Variants in SLC38A8 observed in about 807,000 individuals in gnomAD.
SLC38A8 encodes amino acid transporter SLC38A8.
Under a neutral mutation model 46.0 loss-of-function variants are expected in SLC38A8, and 65 were observed. The observed-to-expected ratio is 1.41, with a 90% confidence interval of 1.16 to 1.74. SLC38A8 has a LOEUF of 1.74. Among genes scored for constraint, SLC38A8 ranks in the 40% most tolerant of loss-of-function variants. SLC38A8 has a pLI of 0.00. For synonymous variants in SLC38A8, 447 were observed against 243.7 expected (o/e 1.83, Z -7.77); for missense variants, 998 against 567.9 (o/e 1.76, Z -7.70).
intron 3 of SLC38A8, among the ~76,000 whole-genome samples, chr16:84,035,652 T>A (rs1214673690): frequency 1.3e-5 from 2 of 152,202 alleles, no homozygotes; most frequent in African/African-American, 4.8e-5. Context: ...AGTCAAAGAA[T>A]GAGAAGAGAA....
At chr16:84,032,266 G>A (rs1597272230) in intron 4 of SLC38A8, among the ~76,000 whole-genome samples, 1 of 152,188 alleles carries the variant, frequency 6.6e-6, no homozygotes. Context: ...TTGGCTCACT[G>A]CAAACTCTGC....
rs1328220501 is a variant in SLC38A8, at chr16:84,042,129, C to T, written c.29G>A (p.Gly10Asp). The T allele has an allele frequency of 3.1e-6, 5 of 1,613,216 alleles. No homozygotes were observed. The highest frequency in any genetic ancestry group is 2.2e-5 in the East Asian group (1 of 44,874). ...GGCAGGGTGAGGCTTTTCTGGAAGG[C>T]CCCTGCTTCCTGGGGTCTGTCCCTC... Reference protein sequence around the residue: MEGQTPGSRGLPEKPHPATA... With the variant: MEGQTPGSRDLPEKPHPATA... The change falls in exon 2 of 11, where the codon GGC becomes GAC. Residue 10 changes from glycine (G) to aspartate (D), a missense_variant. Physicochemically the swap from Gly to Asp is moderately conservative, Grantham distance 94. Transcript: ENST00000299709.
At chr16:84,024,753 G>C (rs544794100) in intron 6 of SLC38A8, among the ~76,000 whole-genome samples, 1 of 152,190 alleles carries the variant, frequency 6.6e-6, no homozygotes, top group African/African-American at 2.4e-5. Context: ...GAAGTGGCGC[G>C]AACTTGGCTC....
At chr16:84,032,842 G>C (rs983703230) in intron 4 of SLC38A8, among the ~76,000 whole-genome samples, 2 of 152,190 alleles carry the variant, frequency 1.3e-5, no homozygotes, top group Non-Finnish European at 2.9e-5. Context: ...ACCTCTGTGT[G>C]TGTGCACACA....
At chr16:84,016,392 TG>T in intron 9 of SLC38A8, 126 bp downstream of exon 9, 1 of 1,051,284 alleles carries the variant, frequency 9.5e-7, no homozygotes, top group Non-Finnish European at 1.4e-6. Flanking sequence ...GGCACCTACA[TG>T]GGGTCTTAAT....
intron 5 of SLC38A8, 146 bp downstream of exon 5, chr16:84,031,721 A>C: frequency 1.5e-6 from 1 of 688,874 alleles, no homozygotes; most frequent in East Asian, 2.7e-5. Context: ...CCTTGCCTTC[A>C]CCGCATCAGA....
chr16:84,028,799 C>T (rs529769330), intron 6 of SLC38A8, among the ~76,000 whole-genome samples: 4 of 151,780 alleles, frequency 2.6e-5, no homozygotes, highest in African/African-American at 9.7e-5. Flanking sequence ...CTATGCTATC[C>T]CACCTGTGCT....
At chr16:84,025,554 T>G (rs1483051784) in intron 6 of SLC38A8, among the ~76,000 whole-genome samples, 1 of 152,168 alleles carries the variant, frequency 6.6e-6, no homozygotes, top group Non-Finnish European at 1.5e-5. Context: ...GCTCTGAGCT[T>G]GGGCCAGGAT....
chr16:84,029,680 T>C (rs1019206801), intron 5 of SLC38A8, 129 bp from the exon 6 acceptor site: 1 of 925,688 alleles, frequency 1.1e-6, no homozygotes, highest in African/African-American at 1.7e-5. Flanking sequence ...GTATTTTTAA[T>C]GACTGTGTCC....
rs775199543 is a variant in SLC38A8, at chr16:84,013,037, C to A, written c.1178G>T (p.Cys393Phe). 1 of 1,614,070 alleles carries A rather than the reference C, an allele frequency of 6.2e-7. No individual in the cohort carries two copies. ...IFIFPGLCLI[C>F]AMGVEPIGPR... ...TCCTATAGGCTCGACACCCATTGCA[C>A]AGATGAGGCACAAACCTGCAAAAAA... Residue 393 changes from cysteine (C) to phenylalanine (F), a missense_variant, in exon 10 of 11, where the codon TGT becomes TTT. Cys to Phe is a radical substitution (Grantham distance 205). Coordinates refer to ENST00000299709, the MANE Select transcript of SLC38A8 (RefSeq NM_001080442.3).
chr16:84,040,785 A>G (rs2085358640), intron 2 of SLC38A8, among the ~76,000 whole-genome samples: 2 of 152,142 alleles, frequency 1.3e-5, no homozygotes, highest in Admixed American at 6.5e-5. Context: ...CCAGAGACAC[A>G]TGACCCTCCC....
At chr16:84,036,446 G>A (rs1043328346) in intron 3 of SLC38A8, among the ~76,000 whole-genome samples, 123 of 152,340 alleles carry the variant, frequency 8.1e-4, no homozygotes, top group African/African-American at 2.6e-3. Context: ...TCTGTGAAAC[G>A]ACTTATCTCC....
In SLC38A8 at chr16:84,033,380, C is replaced by T. The variant is rs1409513093; in HGVS notation, c.478G>A (p.Val160Ile). The T allele has an allele frequency of 6.2e-7, 1 of 1,614,002 alleles. No homozygotes were observed. ...RFTLPLLSVLVILPLSAPREI... is the reference protein window; with the variant it reads ...RFTLPLLSVLIILPLSAPREI... ...CGCGGGGCAGACAGGGGCAGGATGACCAGCACGGAGAGCAGGGGCAGGGTG... is the reference window on the plus strand; with the variant it reads ...CGCGGGGCAGACAGGGGCAGGATGATCAGCACGGAGAGCAGGGGCAGGGTG... The change falls in exon 4 of 11, where the codon GTC becomes ATC. Residue 160 changes from valine (V) to isoleucine (I), a missense_variant. Coordinates refer to ENST00000299709, the MANE Select transcript of SLC38A8 (RefSeq NM_001080442.3).
Position 84,029,520 on chromosome 16 carries a change from A to G in SLC38A8, c.664T>C (p.Phe222Leu). Residue 222 changes from phenylalanine (F) to leucine (L), a missense_variant, in exon 6 of 11, where the codon TTC becomes CTC. By Grantham distance (22) the Phe-to-Leu change is conservative (BLOSUM62 0). Transcript: ENST00000299709. ...TGAAACCCGAAGCAGATGGTGGGGAAGACACTGAACACAGAGGTCCAGGAG... is the reference window on the plus strand; with the variant it reads ...TGAAACCCGAAGCAGATGGTGGGGAGGACACTGAACACAGAGGTCCAGGAG... ...PASWTSVFSV[F>L]PTICFGFQCH... 1 of 1,614,170 alleles carries G rather than the reference A, an allele frequency of 6.2e-7. No homozygotes were observed. The highest frequency in any genetic ancestry group is 8.5e-7 in the Non-Finnish European group (1 of 1,180,006).
intron 7 of SLC38A8, among the ~76,000 whole-genome samples, chr16:84,017,569 A>C (rs2085045492): frequency 6.6e-6 from 1 of 152,198 alleles, no homozygotes; most frequent in South Asian, 2.1e-4. Flanking sequence ...TGTTGACTAG[A>C]AGCACAGAGC....
At chr16:84,043,157 A>T (rs1045457226), upstream of SLC38A8, among the ~76,000 whole-genome samples, 2 of 152,122 alleles carry the variant, frequency 1.3e-5, no homozygotes, top group Non-Finnish European at 2.9e-5. Flanking sequence ...AGCTAATCCC[A>T]TGCACACGAG....
At chr16:84,020,663 A>G (rs2085084929) in intron 7 of SLC38A8, among the ~76,000 whole-genome samples, 1 of 152,192 alleles carries the variant, frequency 6.6e-6, no homozygotes, top group Admixed American at 6.5e-5. Flanking sequence ...ACGTGAGGGC[A>G]CGTAGGATAG....
At chr16:84,015,311 G>A (rs1274055920) in intron 9 of SLC38A8, among the ~76,000 whole-genome samples, 1 of 152,036 alleles carries the variant, frequency 6.6e-6, no homozygotes, top group Non-Finnish European at 1.5e-5. Flanking sequence ...CCCCCACCTT[G>A]CTGGCTTCCC....
upstream of SLC38A8, among the ~76,000 whole-genome samples, chr16:84,042,834 G>C (rs1384715662): frequency 6.6e-6 from 1 of 152,034 alleles, no homozygotes; most frequent in Non-Finnish European, 1.5e-5. Flanking sequence ...GAAGGCTTAA[G>C]ACTCCCGCCT....
Sources: gnomAD v4.1 joint callset for allele counts (sites outside exome capture counted in the v4.1 genomes callset) on GRCh38, gnomAD v4.1.1 for gene constraint, MANE v1.5 for transcripts, NCBI Gene and HGNC (gene_info 2026-07-23, HGNC 2026-07-21) for gene names.